Variants in CTNNA3 observed in about 807,000 individuals in gnomAD.
The protein encoded by CTNNA3 is catenin alpha 3.
CTNNA3 carries 76 observed loss-of-function variants against 95.7 expected under a neutral mutation model. The observed-to-expected ratio is 0.79, with a 90% CI of 0.66 to 0.96. The LOEUF (loss-of-function observed/expected upper bound fraction) is 0.96, where lower values mean the gene tolerates loss of function less well. Among genes scored for constraint, CTNNA3 ranks in the 40% least tolerant of loss-of-function variants. CTNNA3 has a pLI of 0.00. For synonymous variants in CTNNA3, 431 were observed against 374.4 expected (o/e 1.15, Z -1.74); for missense variants, 1,191 against 1,089.8 (o/e 1.09, Z -1.31).
intron 1 of CTNNA3, among the ~76,000 whole-genome samples, chr10:67,684,002 T>C (rs1440610407): frequency 1.3e-5 from 2 of 152,208 alleles, no homozygotes; most frequent in Non-Finnish European, 2.9e-5. Flanking sequence ...GCAAAATTTA[T>C]TGTGAAGAGC....
At chr10:65,967,545 T>TTC (rs1361454864) in intron 16 of CTNNA3, among the ~76,000 whole-genome samples, 1 of 152,188 alleles carries the variant, frequency 6.6e-6, no homozygotes, top group Non-Finnish European at 1.5e-5. Context: ...TCAATGTACT[T>TTC]AGCTGTTACA....
intron 14 of CTNNA3, among the ~76,000 whole-genome samples, chr10:66,094,792 C>G (rs778391926): frequency 2.6e-4 from 40 of 152,190 alleles, no homozygotes; most frequent in Non-Finnish European, 5.1e-4. Flanking sequence ...TAAAGTCTTC[C>G]TCTCTTATTT....
chr10:66,924,787 T>C (rs1328066995), intron 7 of CTNNA3, among the ~76,000 whole-genome samples: 1 of 152,232 alleles, frequency 6.6e-6, no homozygotes, highest in African/African-American at 2.4e-5. Flanking sequence ...AATGACTTAA[T>C]TCTCAAAACA....
At chr10:67,709,235 A>G (rs924902830) in intron 1 of CTNNA3, among the ~76,000 whole-genome samples, 1 of 152,176 alleles carries the variant, frequency 6.6e-6, no homozygotes, top group Non-Finnish European at 1.5e-5. Context: ...AATAAAAACA[A>G]TCTTCCTTTG....
At chr10:66,266,472 A>G (rs1040693801) in intron 13 of CTNNA3, among the ~76,000 whole-genome samples, 2 of 152,050 alleles carry the variant, frequency 1.3e-5, no homozygotes, top group African/African-American at 2.4e-5. Context: ...TTAATTGGTG[A>G]GTTCATATGT....
intron 13 of CTNNA3, among the ~76,000 whole-genome samples, chr10:66,239,374 C>T (rs1215672748): frequency 1.3e-5 from 2 of 151,242 alleles, no homozygotes; most frequent in African/African-American, 2.4e-5. Context: ...ATGATTATGC[C>T]CAATCTTCTG....
intron 12 of CTNNA3, among the ~76,000 whole-genome samples, chr10:66,281,556 C>T (rs1589026537): frequency 6.6e-6 from 1 of 151,844 alleles, no homozygotes; most frequent in East Asian, 1.9e-4. Flanking sequence ...TTACACTTTA[C>T]ACTCAAACTA....
chr10:66,759,262 T>G (rs1839502607), intron 9 of CTNNA3, among the ~76,000 whole-genome samples: 1 of 152,196 alleles, frequency 6.6e-6, no homozygotes, highest in South Asian at 2.1e-4. Context: ...GTGTGGCATT[T>G]GGTACTTTAA....
At chr10:66,378,600 G>A (rs2939947) in intron 12 of CTNNA3, among the ~76,000 whole-genome samples, 97,433 of 152,070 alleles carry the variant, frequency 0.64, 32,747 homozygotes, top group East Asian at 0.88. Flanking sequence ...TTGCTGGCTG[G>A]TTTTTCGAAA....
At chr10:66,202,777 C>T (rs1222599052) in intron 13 of CTNNA3, among the ~76,000 whole-genome samples, 3 of 152,050 alleles carry the variant, frequency 2.0e-5, no homozygotes, top group African/African-American at 4.8e-5. Context: ...CTTCTCTTTC[C>T]TCTCATCATC....
chr10:66,886,773 A>C (rs544363666), intron 7 of CTNNA3, among the ~76,000 whole-genome samples: 1 of 152,186 alleles, frequency 6.6e-6, no homozygotes, highest in African/African-American at 2.4e-5. Context: ...AGACTGGCCC[A>C]TTTCATTGTT....
intron 12 of CTNNA3, among the ~76,000 whole-genome samples, chr10:66,371,452 T>C (rs974783304): frequency 2.0e-5 from 3 of 152,126 alleles, no homozygotes; most frequent in Non-Finnish European, 4.4e-5. Flanking sequence ...CTACCAGAAA[T>C]AAAGCAGGCT....
At chr10:67,231,422 C>A (rs1019713623) in intron 5 of CTNNA3, among the ~76,000 whole-genome samples, 4 of 152,196 alleles carry the variant, frequency 2.6e-5, no homozygotes, top group African/African-American at 9.6e-5. Context: ...CAGACTGACA[C>A]CTCACAGGGC....
intron 1 of CTNNA3, among the ~76,000 whole-genome samples, chr10:67,732,326 A>C (rs901369583): frequency 1.3e-5 from 2 of 152,198 alleles, no homozygotes; most frequent in Admixed American, 6.5e-5. Context: ...GCATATATAG[A>C]TATGTATTCA....
chr10:67,572,031 A>C (rs954671679), intron 3 of CTNNA3, among the ~76,000 whole-genome samples: 1 of 152,228 alleles, frequency 6.6e-6, no homozygotes, highest in African/African-American at 2.4e-5. Context: ...GGTAAAATAC[A>C]TAATGGATTT....
intron 13 of CTNNA3, among the ~76,000 whole-genome samples, chr10:66,238,571 C>A (rs932219101): frequency 6.6e-6 from 1 of 151,718 alleles, no homozygotes; most frequent in East Asian, 1.9e-4. Context: ...CGATGACTAA[C>A]TTAGAGAGCA....
At chr10:66,372,778 G>C (rs10997097) in intron 12 of CTNNA3, among the ~76,000 whole-genome samples, 53,817 of 152,044 alleles carry the variant, frequency 0.35, 11,179 homozygotes, top group Non-Finnish European at 0.47. Context: ...AAAGGGAAAT[G>C]CCAGATGCTT....
intron 3 of CTNNA3, among the ~76,000 whole-genome samples, chr10:67,560,249 T>A (rs1309013839): frequency 6.6e-6 from 1 of 151,694 alleles, no homozygotes; most frequent in African/African-American, 2.4e-5. Flanking sequence ...AAGGTCGGGT[T>A]ACCCACAAAG....
At chr10:67,214,515 A>T (rs1000864138) in intron 6 of CTNNA3, among the ~76,000 whole-genome samples, 1 of 151,932 alleles carries the variant, frequency 6.6e-6, no homozygotes, top group African/African-American at 2.4e-5. Context: ...ATTTATAAAA[A>T]GTAATATGTA....
Sources: allele counts gnomAD v4.1 joint callset (sites outside exome capture counted in the v4.1 genomes callset), GRCh38; gene constraint gnomAD v4.1.1; transcripts MANE v1.5; gene names NCBI Gene and HGNC (gene_info 2026-07-23, HGNC 2026-07-21).